Variants in EPHA2 observed in about 807,000 individuals in gnomAD.
EPHA2 encodes the protein EPH receptor A2.
Under a neutral mutation model 104.9 loss-of-function variants are expected in EPHA2, and 54 were observed. That is an observed-to-expected ratio of 0.51 (90% CI 0.41 to 0.65). The LOEUF (loss-of-function observed/expected upper bound fraction) is 0.65, where lower values mean the gene tolerates loss of function less well. Among genes scored for constraint, EPHA2 ranks in the 30% least tolerant of loss-of-function variants. The probability of loss-of-function intolerance (pLI) is 0.00; values close to 1 mark genes in which losing one functional copy is unlikely to be tolerated. For synonymous variants in EPHA2, 560 were observed against 559.1 expected (o/e 1.00, Z -0.02); for missense variants, 1,117 against 1,369.5 (o/e 0.82, Z 2.91).
At position 16,134,226 on chromosome 1, in the gene EPHA2, G is replaced by A. The variant is rs1194480245; in HGVS notation, c.1682+242C>T. Reference sequence around the variant, plus strand: ...GGGGATTCCTGCCTGCGTGTCCAGAGGAAGTGTGGACACATCATTAATAAC... The same window carrying A: ...GGGGATTCCTGCCTGCGTGTCCAGAAGAAGTGTGGACACATCATTAATAAC... On this transcript the variant is annotated intron_variant, in intron 8 of 16. Transcript: ENST00000358432. The surrounding 1 kb of genome is among the most constrained non-coding windows in gnomAD (Gnocchi z 4.5). 9.1e-6 allele frequency among the ~76,000 whole-genome samples: 1 copy of A among 109,992 alleles called. No individual in the cohort carries two copies. Among genetic ancestry groups the A allele is most frequent in the African/African-American group, 3.7e-5 (1 of 26,924 alleles). 72.2% of individuals were successfully genotyped at this position (109,992 alleles called of 152,430 possible).
chr1:16,147,422 C>G, intron 3 of EPHA2, among the ~76,000 whole-genome samples: 1 of 152,064 alleles, frequency 6.6e-6, no homozygotes. Context: ...ATGTGCACCC[C>G]GGGTCCAACT....
intron 1 of EPHA2, chr1:16,155,588 C>G (rs994984432): frequency 5.1e-6 from 2 of 390,888 alleles, no homozygotes; most frequent in Admixed American, 9.1e-5. Flanking sequence ...ACTGCAACCG[C>G]GTGGCCTGCG....
In EPHA2 at chr1:16,148,791, CGCTTCT is replaced by C; in HGVS notation, c.404_409del (p.Gln135_Lys136del). 6.2e-7 allele frequency: 1 copy of C among 1,614,106 alleles called. No individual in the cohort carries two copies. The highest frequency in any genetic ancestry group is 8.5e-7 in the Non-Finnish European group (1 of 1,180,040). ...AATGGTGTCAATCTTGGTGAACAGG[CGCTTCT>C]GGAAGTTGGTGCCGTAGTCCAGGTC... On this transcript the variant is annotated inframe_deletion, in exon 3 of 17. Coordinates refer to ENST00000358432, the MANE Select transcript of EPHA2 (RefSeq NM_004431.5). The surrounding 1 kb of genome is among the most constrained non-coding windows in gnomAD (Gnocchi z 4.9).
Position 16,148,738 on chromosome 1 carries a change from C to A in EPHA2, c.463G>T (p.Asp155Tyr), listed in dbSNP as rs767460372. The A allele has an allele frequency of 5.0e-6, 8 of 1,613,784 alleles. No individual in the cohort carries two copies. ...IAPDEITVSSDFEARHVKLNV... is the reference protein window; with the variant it reads ...IAPDEITVSSYFEARHVKLNV... ...AGCTTCACGTGGCGTGCCTCGAAGT[C>A]GCTGCTGACGGTGATCTCATCGGGC... Residue 155 changes from aspartate to tyrosine, a missense_variant, in exon 3 of 17, where the codon GAC becomes TAC. Asp to Tyr is a radical substitution (Grantham distance 160). Coordinates refer to ENST00000358432, the MANE Select transcript of EPHA2 (RefSeq NM_004431.5). This position sits in a 1 kb window ranked among gnomAD's most constrained non-coding sequence, Gnocchi z 4.9.
Position 16,132,196 on chromosome 1 carries a change from G to A in EPHA2, c.2193C>T (p.Ala731=), listed in dbSNP as rs1315601632. ...RGIAAGMKYL[A]NMNYVHRDLA... is the part of the protein sequence containing the mutation. ...GGTCACGGTGCACATAGTTCATGTTGGCCAGGTACTTCATGCCAGCTGCGA... is the reference window on the plus strand; with the variant it reads ...GGTCACGGTGCACATAGTTCATGTTAGCCAGGTACTTCATGCCAGCTGCGA... Residue 731 remains alanine, a synonymous_variant, in exon 13 of 17, where the codon GCC becomes GCT. Coordinates refer to ENST00000358432, the MANE Select transcript of EPHA2 (RefSeq NM_004431.5). 6.2e-7 allele frequency: 1 copy of A among 1,614,074 alleles called. No homozygotes were observed. The highest frequency in any genetic ancestry group is 1.3e-5 in the African/African-American group (1 of 74,922).
chr1:16,134,662 C>T lies in EPHA2; in HGVS notation c.1583-95G>A, dbSNP rs1164342520. ...AAGACACCTGGGCCCCTACTGTGTG[C>T]TGGGTGCTTGCACTTGGGAAGGCTC... On this transcript the variant is annotated intron_variant, in intron 7 of 16. Coordinates refer to ENST00000358432, the MANE Select transcript of EPHA2 (RefSeq NM_004431.5). This position sits in a 1 kb window ranked among gnomAD's most constrained non-coding sequence, Gnocchi z 4.5. The T allele has an allele frequency of 3.0e-6, 4 of 1,348,222 alleles. No homozygotes were observed. In the African/African-American group the frequency reaches 5.8e-5, roughly 20 times the overall value. 83.5% of individuals were successfully genotyped at this position (1,348,222 alleles called of 1,614,324 possible). A position where few individuals can be genotyped will look rare whatever the true frequency, so the allele number is the denominator to read the frequency against.
In EPHA2 at chr1:16,137,645, A is replaced by G. The variant is rs113395497; in HGVS notation, c.1312+208T>C. Reference sequence around the variant, plus strand: ...AAAAATAATATCATAATGTTTTAAGATAATTTACGAATTTGTGTTGGGCCG... The same window carrying G: ...AAAAATAATATCATAATGTTTTAAGGTAATTTACGAATTTGTGTTGGGCCG... On this transcript the variant is annotated intron_variant, in intron 5 of 16. Transcript: ENST00000358432. 0.013 allele frequency among the ~76,000 whole-genome samples: 1,941 copies of G among 152,376 alleles called. 56 individuals are homozygous for G. The highest frequency in any genetic ancestry group is 0.045 in the African/African-American group (1,854 of 41,588).
rs951014157 is a variant in EPHA2, at chr1:16,150,040, G to A, written c.153+856C>T. On this transcript the variant is annotated intron_variant, in intron 2 of 16. Transcript: ENST00000358432. The surrounding 1 kb of genome is among the most constrained non-coding windows in gnomAD (Gnocchi z 4.8). ...AAGACTGGGTTGTATTAGGTGACCC[G>A]TGTTCCCTCCCAGCTAGACTTCCAG... 2.6e-5 allele frequency among the ~76,000 whole-genome samples: 4 copies of A among 152,242 alleles called. No homozygotes were observed. Among genetic ancestry groups the A allele is most frequent in the Non-Finnish European group, 2.9e-5 (2 of 68,014 alleles).
intron 3 of EPHA2, among the ~76,000 whole-genome samples, chr1:16,139,681 T>C (rs931807707): frequency 8.5e-5 from 13 of 152,086 alleles, no homozygotes; most frequent in Non-Finnish European, 1.5e-4. Context: ...AGGGGAATGA[T>C]AGATGTTGGG....
intron 3 of EPHA2, among the ~76,000 whole-genome samples, chr1:16,146,234 G>C (rs7545941): frequency 0.049 from 7,501 of 152,254 alleles, 621 homozygotes; most frequent in African/African-American, 0.17. Context: ...GAACTAAGTC[G>C]GAAATTTCGC....
chr1:16,125,713 C>T lies in EPHA2; in HGVS notation c.2826-393G>A, dbSNP rs1385524358. On this transcript the variant is annotated intron_variant, in intron 16 of 16. Coordinates refer to ENST00000358432, the MANE Select transcript of EPHA2 (RefSeq NM_004431.5). This position sits in a 1 kb window ranked among gnomAD's most constrained non-coding sequence, Gnocchi z 4.9. ...GTAAAGTGACTTGCCTGAAGTCACACAGCTAGGAGGTGGAAGAGCTGGGAA... is the reference window on the plus strand; with the variant it reads ...GTAAAGTGACTTGCCTGAAGTCACATAGCTAGGAGGTGGAAGAGCTGGGAA... Among the ~76,000 whole-genome samples the T allele has an allele frequency of 6.6e-6, 1 of 152,158 alleles. No homozygotes were observed. Among genetic ancestry groups the T allele is most frequent in the East Asian group, 1.9e-4 (1 of 5,200 alleles).
chr1:16,153,916 T>C (rs987178725), intron 1 of EPHA2, among the ~76,000 whole-genome samples: 2 of 150,010 alleles, frequency 1.3e-5, no homozygotes, highest in African/African-American at 4.9e-5. Context: ...CACCCCCACC[T>C]AGGCACACTT....
chr1:16,126,872 A>G (rs2024479334), intron 16 of EPHA2, among the ~76,000 whole-genome samples: 1 of 152,198 alleles, frequency 6.6e-6, no homozygotes, highest in African/African-American at 2.4e-5. Flanking sequence ...TCACCCCCAC[A>G]GCACCTGCTC....
chr1:16,154,256 G>A (rs911630995), intron 1 of EPHA2, among the ~76,000 whole-genome samples: 1 of 152,102 alleles, frequency 6.6e-6, no homozygotes, highest in African/African-American at 2.4e-5. Flanking sequence ...TGGTGGGGCG[G>A]ATATTGAGGG....
At chr1:16,155,285 A>G (rs1326511446) in intron 1 of EPHA2, 1 of 152,326 alleles carries the variant, frequency 6.6e-6, no homozygotes. Flanking sequence ...GGAGTGTGTG[A>G]GCAGGGATTG....
At position 16,149,053 on chromosome 1, in the gene EPHA2, G is replaced by A. The variant is rs1305739309; in HGVS notation, c.154-6C>T. 6.2e-7 allele frequency: 1 copy of A among 1,611,812 alleles called. No individual in the cohort carries two copies. The highest frequency in any genetic ancestry group is 8.5e-7 in the Non-Finnish European group (1 of 1,180,028). ...ATGTTCTGCATCAGGTCCCACTGTG[G>A]GGGGAAGATACAGGTTAGTGTGGGC... On this transcript the variant is annotated splice_region_variant and splice_polypyrimidine_tract_variant and intron_variant, in intron 2 of 16. Coordinates refer to ENST00000358432, the MANE Select transcript of EPHA2 (RefSeq NM_004431.5).
Position 16,134,655 on chromosome 1 carries a change from C to T in EPHA2, c.1583-88G>A, listed in dbSNP as rs1465016738. 8 of 1,397,398 alleles carry T rather than the reference C, an allele frequency of 5.7e-6. No homozygotes were observed. The highest frequency in any genetic ancestry group is 8.0e-6 in the Non-Finnish European group (8 of 1,002,760). 86.6% of individuals were successfully genotyped at this position (1,397,398 alleles called of 1,614,324 possible). ...TGCACCCAAGACACCTGGGCCCCTA[C>T]TGTGTGCTGGGTGCTTGCACTTGGG... On this transcript the variant is annotated intron_variant, in intron 7 of 16. Transcript: ENST00000358432. This position sits in a 1 kb window ranked among gnomAD's most constrained non-coding sequence, Gnocchi z 4.5.
In EPHA2 at chr1:16,148,322, G is replaced by A. The variant is rs2024969076; in HGVS notation, c.823+56C>T. The A allele has an allele frequency of 6.2e-7, 1 of 1,601,110 alleles. No homozygotes were observed. Among genetic ancestry groups the A allele is most frequent in the African/African-American group, 1.4e-5 (1 of 73,084 alleles). ...AAGATTCCATGATTCCAAAGCTAAAGACCAGAACCTGGGAATGCAGAACCC... is the reference window on the plus strand; with the variant it reads ...AAGATTCCATGATTCCAAAGCTAAAAACCAGAACCTGGGAATGCAGAACCC... On this transcript the variant is annotated intron_variant, in intron 3 of 16. Transcript: ENST00000358432. This position sits in a 1 kb window ranked among gnomAD's most constrained non-coding sequence, Gnocchi z 4.9.
rs2024546635 is a variant in EPHA2 at position 16,130,198 on chromosome 1, C to T, written c.2669+28G>A. Reference sequence around the variant, plus strand: ...GAGTCTGCAGAAGGAAAATTGAGGTCATCATGGGCAGAGGGCATAGAACTC... The same window carrying T: ...GAGTCTGCAGAAGGAAAATTGAGGTTATCATGGGCAGAGGGCATAGAACTC... On this transcript the variant is annotated intron_variant, in intron 15 of 16. Coordinates refer to ENST00000358432, the MANE Select transcript of EPHA2 (RefSeq NM_004431.5). This position sits in a 1 kb window ranked among gnomAD's most constrained non-coding sequence, Gnocchi z 4.5. 1 of 1,613,950 alleles carries T rather than the reference C, an allele frequency of 6.2e-7. No homozygotes were observed. Among genetic ancestry groups the T allele is most frequent in the East Asian group, 2.2e-5 (1 of 44,878 alleles).
Sources: allele counts gnomAD v4.1 joint callset (sites outside exome capture counted in the v4.1 genomes callset), GRCh38; gene constraint gnomAD v4.1.1; non-coding constraint Gnocchi (gnomAD v3.1); transcripts MANE v1.5; gene names NCBI Gene and HGNC (gene_info 2026-07-23, HGNC 2026-07-21).